Variants in SNTG2 observed in about 807,000 individuals in gnomAD.
SNTG2 encodes the protein syntrophin gamma 2, also known as gamma-2-syntrophin.
Under a neutral mutation model 70.9 loss-of-function variants are expected in SNTG2, and 74 were observed. The observed-to-expected ratio is 1.04, with a 90% CI of 0.86 to 1.27. The LOEUF (loss-of-function observed/expected upper bound fraction) is 1.27, where lower values mean the gene tolerates loss of function less well. Among genes scored for constraint, SNTG2 ranks in the 50% most tolerant of loss-of-function variants. The probability of loss-of-function intolerance (pLI) is 0.00; values close to 1 mark genes in which losing one functional copy is unlikely to be tolerated. For synonymous variants in SNTG2, 278 were observed against 273.8 expected (o/e 1.02, Z -0.15); for missense variants, 717 against 690.7 (o/e 1.04, Z -0.43).
intron 13 of SNTG2, among the ~76,000 whole-genome samples, chr2:1,264,839 G>T (rs1251309676): frequency 6.6e-6 from 1 of 152,174 alleles, no homozygotes; most frequent in Non-Finnish European, 1.5e-5. Context: ...GTGATTACAG[G>T]TGTAAGCCAC....
At chr2:1,134,528 A>G (rs1668238272) in intron 4 of SNTG2, among the ~76,000 whole-genome samples, 1 of 151,928 alleles carries the variant, frequency 6.6e-6, no homozygotes, top group South Asian at 2.1e-4. Flanking sequence ...ACCCTGAGCT[A>G]GACACAGGAT....
intron 8 of SNTG2, among the ~76,000 whole-genome samples, chr2:1,174,551 A>G (rs572200349): frequency 1.3e-5 from 2 of 152,320 alleles, no homozygotes; most frequent in African/African-American, 2.4e-5. Context: ...TGGCTATTCC[A>G]TAAGGTAGAA....
chr2:1,277,062 G>A (rs1315041086), intron 14 of SNTG2, among the ~76,000 whole-genome samples: 1 of 152,156 alleles, frequency 6.6e-6, no homozygotes, highest in Non-Finnish European at 1.5e-5. Context: ...CAAAGAAAGT[G>A]GTTTCTTGAG....
At chr2:1,011,472 A>T (rs532495363) in intron 1 of SNTG2, among the ~76,000 whole-genome samples, 1 of 152,238 alleles carries the variant, frequency 6.6e-6, no homozygotes, top group Non-Finnish European at 1.5e-5. Context: ...TTCAGAAACA[A>T]TCTTTGATGA....
intron 1 of SNTG2, among the ~76,000 whole-genome samples, chr2:965,515 C>CTTGAT (rs1192840482): frequency 6.7e-6 from 1 of 148,502 alleles, no homozygotes; most frequent in African/African-American, 2.5e-5. Context: ...CTTCAGGGTC[C>CTTGAT]CCTCCTCCTG....
chr2:1,247,461 A>G lies in SNTG2; in HGVS notation c.1005+18A>G. 1 of 1,551,626 alleles carries G rather than the reference A, an allele frequency of 6.4e-7. No individual in the cohort carries two copies. Among genetic ancestry groups the G allele is most frequent in the Non-Finnish European group, 8.9e-7 (1 of 1,123,852 alleles). On this transcript the variant is annotated intron_variant, in intron 12 of 16. Transcript: ENST00000308624. ...CTCCTCCGGTAAGGATGCTTTTGAC[A>G]CTCCACAGGGAGGGGCTGCTGGGAG...
intron 12 of SNTG2, among the ~76,000 whole-genome samples, chr2:1,248,086 G>A (rs11525720): frequency 0.21 from 31,734 of 152,084 alleles, 4,510 homozygotes; most frequent in African/African-American, 0.39. Context: ...GTACCTACAC[G>A]TTTTGGATGC....
At chr2:1,190,378 A>G (rs550399228) in intron 8 of SNTG2, among the ~76,000 whole-genome samples, 45 of 151,170 alleles carry the variant, frequency 3.0e-4, no homozygotes, top group Non-Finnish European at 5.6e-4. Context: ...TCTATTCTAT[A>G]TATTTCTATT....
At chr2:1,045,332 A>G (rs1332124860) in intron 1 of SNTG2, among the ~76,000 whole-genome samples, 1 of 151,894 alleles carries the variant, frequency 6.6e-6, no homozygotes, top group Non-Finnish European at 1.5e-5. Context: ...TTCACTAAAA[A>G]AAAACTTTTG....
intron 11 of SNTG2, among the ~76,000 whole-genome samples, chr2:1,241,767 T>C (rs1307484829): frequency 6.6e-6 from 1 of 152,176 alleles, no homozygotes; most frequent in Non-Finnish European, 1.5e-5. Context: ...TCAGAGGCAG[T>C]GGGCGGCCTT....
intron 8 of SNTG2, among the ~76,000 whole-genome samples, chr2:1,173,965 A>G (rs906710776): frequency 1.3e-5 from 2 of 152,266 alleles, no homozygotes; most frequent in African/African-American, 4.8e-5. Flanking sequence ...AATCATCAAA[A>G]TGACTGGATA....
At chr2:1,162,052 C>A (rs868210439) in intron 6 of SNTG2, among the ~76,000 whole-genome samples, 33 of 112,666 alleles carry the variant, frequency 2.9e-4, no homozygotes, top group African/African-American at 1.0e-3. Context: ...CCAGCCTGGG[C>A]GACAGTGAGA....
intron 4 of SNTG2, among the ~76,000 whole-genome samples, chr2:1,124,731 G>A (rs977224732): frequency 3.9e-5 from 6 of 152,152 alleles, no homozygotes; most frequent in African/African-American, 9.7e-5. Context: ...GGAACCTGAC[G>A]AAAAGGTCAA....
chr2:973,985 T>G (rs1660831439), intron 1 of SNTG2, among the ~76,000 whole-genome samples: 1 of 152,216 alleles, frequency 6.6e-6, no homozygotes, highest in African/African-American at 2.4e-5. Context: ...GAAATTTCTG[T>G]CTGGTATCTC....
At chr2:1,148,123 G>A (rs1182970491) in intron 6 of SNTG2, among the ~76,000 whole-genome samples, 4 of 152,204 alleles carry the variant, frequency 2.6e-5, no homozygotes, top group Non-Finnish European at 5.9e-5. Context: ...TCAATCCCAG[G>A]AGCTGGTACA....
chr2:1,110,840 C>T (rs569926132), intron 4 of SNTG2, among the ~76,000 whole-genome samples: 1 of 152,360 alleles, frequency 6.6e-6, no homozygotes, highest in East Asian at 1.9e-4. Context: ...GGTTTTTCTT[C>T]TGGAGCTCTA....
intron 9 of SNTG2, among the ~76,000 whole-genome samples, chr2:1,224,003 T>C (rs1012712917): frequency 2.1e-4 from 32 of 149,698 alleles, no homozygotes; most frequent in African/African-American, 7.9e-4. Context: ...AAGTGCAGGG[T>C]CAGGTGGTCA....
At chr2:1,031,526 A>ATTTTTTT (rs1660820699) in intron 1 of SNTG2, among the ~76,000 whole-genome samples, 3 of 54,164 alleles carry the variant, frequency 5.5e-5, no homozygotes, top group African/African-American at 1.9e-4. Context: ...ATATATATAT[A>ATTTTTTT]TATTTTTTTT....
rs138551427 is a variant in SNTG2 at position 1,079,321 on chromosome 2, T to C, written c.73-4197T>C. 5.9e-5 allele frequency among the ~76,000 whole-genome samples: 9 copies of C among 152,380 alleles called. No homozygotes were observed. In the East Asian group the frequency reaches 1.7e-3, roughly 29 times the overall value. On this transcript the variant is annotated intron_variant, in intron 1 of 16. Transcript: ENST00000308624. The stretch of plus-strand genomic sequence containing the variant: ...AGTGCCTGGAGGGCATATTACTGCA[T>C]ATTACGGCAAATAATTCTCTCTGGA...
Sources: gnomAD v4.1 joint callset for allele counts (sites outside exome capture counted in the v4.1 genomes callset) on GRCh38, gnomAD v4.1.1 for gene constraint, MANE v1.5 for transcripts, NCBI Gene and HGNC (gene_info 2026-07-23, HGNC 2026-07-21) for gene names.